Variants in IGF1 observed in about 807,000 individuals in gnomAD.
IGF1 encodes the protein insulin-like growth factor 1.
Under a neutral mutation model 13.8 loss-of-function variants are expected in IGF1, and 4 were observed. That is an observed-to-expected ratio of 0.29 (90% CI 0.14 to 0.66). The LOEUF (loss-of-function observed/expected upper bound fraction) is 0.66, where lower values mean the gene tolerates loss of function less well. Among genes scored for constraint, IGF1 ranks in the 30% least tolerant of loss-of-function variants. The pLI, the probability that IGF1 is intolerant of heterozygous loss-of-function variation, is 0.78. For synonymous variants in IGF1, 76 were observed against 72.6 expected (o/e 1.05, Z -0.23); for missense variants, 124 against 188.5 (o/e 0.66, Z 2.00).
intron 3 of IGF1, among the ~76,000 whole-genome samples, chr12:102,414,515 A>G (rs904174427): frequency 2.0e-5 from 3 of 152,006 alleles, no homozygotes; most frequent in African/African-American, 7.3e-5. Context: ...TCTGCCTCCC[A>G]GGTTCAAGGA....
chr12:102,418,396 G>A (rs1011820193), intron 3 of IGF1, among the ~76,000 whole-genome samples: 1 of 152,214 alleles, frequency 6.6e-6, no homozygotes, highest in Admixed American at 6.5e-5. Context: ...GCTCCCTGGG[G>A]TCACATCTCC....
chr12:102,471,307 A>G (rs1880670518), intron 2 of IGF1, among the ~76,000 whole-genome samples: 1 of 152,198 alleles, frequency 6.6e-6, no homozygotes, highest in African/African-American at 2.4e-5. Context: ...TTAAAGCTAG[A>G]AGAGGTCATT....
chr12:102,441,903 A>ACTGCTGCTGCTGCTG (rs142314979), intron 2 of IGF1, among the ~76,000 whole-genome samples: 35 of 27,394 alleles, frequency 1.3e-3, no homozygotes, highest in Admixed American at 2.9e-3. Context: ...ATTCTATTAC[A>ACTGCTGCTGCTGCTG]CTGCTTCTTC....
At chr12:102,473,689 G>C (rs1245458679) in intron 2 of IGF1, among the ~76,000 whole-genome samples, 1 of 152,154 alleles carries the variant, frequency 6.6e-6, no homozygotes, top group East Asian at 1.9e-4. Context: ...TCCTTTTCAA[G>C]TTATTGAGAT....
intron 2 of IGF1, among the ~76,000 whole-genome samples, chr12:102,442,169 G>A (rs1443282465): frequency 1.3e-5 from 2 of 151,740 alleles, no homozygotes; most frequent in Non-Finnish European, 2.9e-5. Context: ...GGCTGGTCTC[G>A]AACTCCTCAG....
chr12:102,473,334 A>G (rs1007192933), intron 2 of IGF1, among the ~76,000 whole-genome samples: 8 of 152,206 alleles, frequency 5.3e-5, no homozygotes, highest in African/African-American at 1.2e-4. Context: ...TCTCTCATTC[A>G]TTTCTAGGCA....
rs1164953480 is a variant in IGF1, at chr12:102,398,128, A to C, written c.*4379T>G. On this transcript the variant is annotated 3_prime_UTR_variant, in exon 4 of 4. Coordinates refer to ENST00000337514, the MANE Select transcript of IGF1 (RefSeq NM_000618.5). ...CAAAAACAAGAAACAAAAAATCTTC[A>C]CAGATTGTTAGCCATCTCTTTCAAC... The C allele has an allele frequency of 6.6e-6, 1 of 152,000 alleles. No individual in the cohort carries two copies. The highest frequency in any genetic ancestry group is 1.5e-5 in the Non-Finnish European group (1 of 67,882). The allele number at this position is 152,000 out of a possible 1,614,324, so 9.4% of individuals were successfully genotyped here.
intron 2 of IGF1, among the ~76,000 whole-genome samples, chr12:102,451,915 G>T (rs1374490959): frequency 6.6e-6 from 1 of 152,048 alleles, no homozygotes; most frequent in East Asian, 1.9e-4. Flanking sequence ...CGATCTAATG[G>T]TTTTAGAAGG....
At chr12:102,476,104 G>A (rs186316197) in intron 1 of IGF1, among the ~76,000 whole-genome samples, 223 of 152,198 alleles carry the variant, frequency 1.5e-3, no homozygotes, top group Admixed American at 1.8e-3. Flanking sequence ...CGTTTACTAC[G>A]GAAATGAAAG....
intron 3 of IGF1, among the ~76,000 whole-genome samples, chr12:102,415,543 T>C (rs949865756): frequency 2.4e-5 from 2 of 81,722 alleles, no homozygotes; most frequent in East Asian, 4.0e-4. Flanking sequence ...CTTCCTTCCC[T>C]TTCCTTCCTT....
intron 2 of IGF1, among the ~76,000 whole-genome samples, chr12:102,458,778 A>C (rs1019932889): frequency 1.3e-5 from 2 of 149,398 alleles, no homozygotes; most frequent in African/African-American, 4.9e-5. Flanking sequence ...GAGTAATATT[A>C]TTGCTTCTCT....
chr12:102,421,412 A>T (rs1875708128), intron 2 of IGF1, among the ~76,000 whole-genome samples: 1 of 152,214 alleles, frequency 6.6e-6, no homozygotes, highest in Non-Finnish European at 1.5e-5. Context: ...GAAAGACACA[A>T]ATGGGCTTAC....
At chr12:102,430,904 G>A (rs775822147) in intron 2 of IGF1, among the ~76,000 whole-genome samples, 2 of 152,192 alleles carry the variant, frequency 1.3e-5, no homozygotes, top group Non-Finnish European at 2.9e-5. Context: ...GAACATCTGT[G>A]CCTTCTTTTG....
chr12:102,416,907 G>A (rs950530402), intron 3 of IGF1, among the ~76,000 whole-genome samples: 4 of 152,166 alleles, frequency 2.6e-5, no homozygotes, highest in Non-Finnish European at 5.9e-5. Context: ...AGTGGGGTGG[G>A]CCCAAATCCA....
At chr12:102,469,431 G>C (rs1021599335) in intron 2 of IGF1, among the ~76,000 whole-genome samples, 1 of 152,202 alleles carries the variant, frequency 6.6e-6, no homozygotes, top group African/African-American at 2.4e-5. Flanking sequence ...GTGTATACAG[G>C]TGAGTTGCAG....
chr12:102,459,540 G>A (rs1313921814), intron 2 of IGF1, among the ~76,000 whole-genome samples: 1 of 152,026 alleles, frequency 6.6e-6, no homozygotes, highest in Non-Finnish European at 1.5e-5. Flanking sequence ...GCTACAGCTT[G>A]TTTTGTCTGA....
intron 3 of IGF1, among the ~76,000 whole-genome samples, chr12:102,418,748 G>A (rs5742688): frequency 0.014 from 2,073 of 152,282 alleles, 27 homozygotes; most frequent in Non-Finnish European, 0.021. Context: ...TCGATCAAGT[G>A]ACTAAATGTG....
At chr12:102,454,352 T>C (rs147024348) in intron 2 of IGF1, among the ~76,000 whole-genome samples, 34 of 152,296 alleles carry the variant, frequency 2.2e-4, no homozygotes, top group African/African-American at 7.9e-4. Flanking sequence ...GAGTAACTCA[T>C]GAGGTCTAGG....
At chr12:102,480,745 A>C, upstream of IGF1, 1 of 438,708 alleles carries the variant, frequency 2.3e-6, no homozygotes, top group Non-Finnish European at 3.8e-6. Context: ...AGAGCACAGA[A>C]GCATTTTTTT....
Sources: gnomAD v4.1 joint callset for allele counts (sites outside exome capture counted in the v4.1 genomes callset) on GRCh38, gnomAD v4.1.1 for gene constraint, MANE v1.5 for transcripts, NCBI Gene and HGNC (gene_info 2026-07-23, HGNC 2026-07-21) for gene names.